Variants in DRC11L observed in about 807,000 individuals in gnomAD.
DRC11L encodes the protein dynein regulatory complex subunit 11 like.
At chr7:151,193,465 G>A in the DRC11L span, 1 of 399,332 alleles carries the variant, frequency 2.5e-6, no homozygotes, top group Non-Finnish European at 4.4e-6. Context: ...GGATGAGTGG[G>A]GCCATGATGT....
the DRC11L span, among the ~76,000 whole-genome samples, chr7:151,204,143 C>T: frequency 1.7e-4 from 26 of 152,168 alleles, no homozygotes; most frequent in Admixed American, 1.3e-4. Flanking sequence ...AAGGACTCTC[C>T]TCACCAATTC....
the DRC11L span, among the ~76,000 whole-genome samples, chr7:151,201,223 T>C: frequency 1.3e-5 from 2 of 152,220 alleles, no homozygotes; most frequent in African/African-American, 4.8e-5. This position sits in a 1 kb window ranked among gnomAD's most constrained non-coding sequence, Gnocchi z 4.1. Flanking sequence ...GCCCTTCTCA[T>C]CTGGGCTTCG....
At chr7:151,196,623 G>A in the DRC11L span, 13 of 399,448 alleles carry the variant, frequency 3.3e-5, no homozygotes, top group South Asian at 2.5e-4. Context: ...GCATTCATGC[G>A]TGCACAAGCA....
the DRC11L span, chr7:151,192,787 C>T: frequency 5.0e-6 from 2 of 399,152 alleles, no homozygotes; most frequent in Non-Finnish European, 8.8e-6. Flanking sequence ...TTCTTCTCAG[C>T]ATTTCCAATC....
the DRC11L span, chr7:151,192,633 C>T: frequency 2.5e-6 from 1 of 398,906 alleles, no homozygotes; most frequent in Non-Finnish European, 4.4e-6. Context: ...GGGGCATGTG[C>T]AAGGCCCCAG....
At chr7:151,203,473 C>T in the DRC11L span, 2 of 399,062 alleles carry the variant, frequency 5.0e-6, no homozygotes, top group Admixed American at 4.4e-5. Context: ...TGGTGGACTG[C>T]TCCAGCAGGA....
chr7:151,205,489 GGT>G, the DRC11L span: 1 of 398,904 alleles, frequency 2.5e-6, no homozygotes, highest in African/African-American at 2.1e-5. Flanking sequence ...CTTGTTTGCT[GGT>G]GGTGGAATTC....
chr7:151,193,729 G>T, the DRC11L span, among the ~76,000 whole-genome samples: 3 of 152,098 alleles, frequency 2.0e-5, no homozygotes, highest in Non-Finnish European at 4.4e-5. Context: ...TTGTGCATGG[G>T]TCTGGGAGGA....
chr7:151,203,635 T>C, the DRC11L span: 492 of 394,824 alleles, frequency 1.2e-3, 4 homozygotes, highest in East Asian at 8.3e-3. Flanking sequence ...TTTAGAGTCC[T>C]GACTAAACTT....
chr7:151,195,953 T>TC, the DRC11L span: 9 of 287,260 alleles, frequency 3.1e-5, no homozygotes, highest in Admixed American at 4.1e-4. Context: ...AAACCGAAGA[T>TC]CCCCCGCTGA....
chr7:151,203,851 C>A, the DRC11L span, among the ~76,000 whole-genome samples: 1 of 152,180 alleles, frequency 6.6e-6, no homozygotes, highest in Admixed American at 6.5e-5. Flanking sequence ...CCTGGGGAAT[C>A]TTCCCTGCGC....
At chr7:151,204,440 C>T in the DRC11L span, 1 of 398,542 alleles carries the variant, frequency 2.5e-6, no homozygotes, top group Non-Finnish European at 4.4e-6. Flanking sequence ...TGGTCAAGGC[C>T]GGTCCCACCC....
chr7:151,194,335 C>CA, the DRC11L span: 1 of 399,106 alleles, frequency 2.5e-6, no homozygotes, highest in South Asian at 1.3e-4. Flanking sequence ...TCACCAAACT[C>CA]AGAGTGGATC....
chr7:151,200,442 A>C, the DRC11L span: 1 of 399,062 alleles, frequency 2.5e-6, no homozygotes, highest in African/African-American at 2.1e-5. Context: ...CTCTGCAGAT[A>C]GCCTTTCCAC....
chr7:151,196,672 C>G, the DRC11L span: 1 of 398,582 alleles, frequency 2.5e-6, no homozygotes, highest in Non-Finnish European at 4.4e-6. Context: ...TGTGTGCACA[C>G]AGGTCAGGAG....
At chr7:151,192,770 A>G in the DRC11L span, 2 of 399,016 alleles carry the variant, frequency 5.0e-6, no homozygotes, top group African/African-American at 2.1e-5. Context: ...GGGTCTTCTT[A>G]TAGAAATTCT....
chr7:151,203,502 C>T, the DRC11L span: 3 of 398,980 alleles, frequency 7.5e-6, no homozygotes, highest in African/African-American at 4.1e-5. Flanking sequence ...GGGATTGGAA[C>T]CTCCAGGTCA....
the DRC11L span, among the ~76,000 whole-genome samples, chr7:151,204,016 A>T: frequency 2.6e-5 from 4 of 152,226 alleles, no homozygotes; most frequent in African/African-American, 9.6e-5. Context: ...GTGCACACAG[A>T]TCACTGGAGG....
chr7:151,200,197 G>A, the DRC11L span, among the ~76,000 whole-genome samples: 1 of 152,218 alleles, frequency 6.6e-6, no homozygotes, highest in Non-Finnish European at 1.5e-5. Context: ...AAGAAAAAGG[G>A]TGTGAAGGGA....
Sources: allele counts gnomAD v4.1 joint callset (sites outside exome capture counted in the v4.1 genomes callset), GRCh38; gene constraint gnomAD v4.1.1; non-coding constraint Gnocchi (gnomAD v3.1); transcripts MANE v1.5; gene names NCBI Gene and HGNC (gene_info 2026-07-23, HGNC 2026-07-21).